The following VWF variants were observed in gnomAD, a reference collection of about 807,000 sequenced individuals.
The protein encoded by VWF is von Willebrand factor, also known as Factor VIII related antigen.
A neutral mutation model predicts 308.6 loss-of-function variants in VWF; 176 were observed. The observed-to-expected ratio is 0.57, with a 90% CI of 0.50 to 0.65. VWF has a LOEUF of 0.65. Among genes scored for constraint, VWF ranks in the 30% least tolerant of loss-of-function variants. The pLI, the probability that VWF is intolerant of heterozygous loss-of-function variation, is 0.00. For missense variants in VWF, 3,146 were observed against 3,648.2 expected (o/e 0.86, Z 3.55); for synonymous variants, 1,385 against 1,443.4 (o/e 0.96, Z 0.92).
At chr12:6,115,006 C>T (rs1209087067) in intron 3 of VWF, among the ~76,000 whole-genome samples, 1 of 152,206 alleles carries the variant, frequency 6.6e-6, no homozygotes, top group Non-Finnish European at 1.5e-5. Flanking sequence ...AGTCAGTCCA[C>T]AGCCGGAGCA....
chr12:6,087,354 C>A (rs147383221), intron 6 of VWF, among the ~76,000 whole-genome samples: 1,770 of 118,802 alleles, frequency 0.015, 50 homozygotes, highest in African/African-American at 0.054. Context: ...AGACTTAACT[C>A]TTTTTTTTTT....
At chr12:6,072,588 C>A in intron 8 of VWF, 146 bp from the exon 9 acceptor site, 1 of 718,520 alleles carries the variant, frequency 1.4e-6, no homozygotes, top group Non-Finnish European at 2.5e-6. Flanking sequence ...TCACATAATG[C>A]AATATAAGGA....
At chr12:6,123,862 G>T (rs915514621) in intron 1 of VWF, among the ~76,000 whole-genome samples, 1 of 152,110 alleles carries the variant, frequency 6.6e-6, no homozygotes, top group Non-Finnish European at 1.5e-5. Flanking sequence ...CCAAGAGAGG[G>T]ACAATTCATC....
chr12:6,101,114 A>G (rs887376504), intron 5 of VWF, among the ~76,000 whole-genome samples: 21 of 152,254 alleles, frequency 1.4e-4, no homozygotes, highest in African/African-American at 3.6e-4. Context: ...TGAAATGAAC[A>G]GAAACCTCTA....
chr12:6,094,412 G>A (rs575077967), intron 6 of VWF, among the ~76,000 whole-genome samples: 20 of 152,194 alleles, frequency 1.3e-4, no homozygotes, highest in Non-Finnish European at 8.8e-5. Context: ...GTTTACAACA[G>A]CCACTTAAGA....
chr12:6,117,590 C>T (rs910664726), intron 3 of VWF, among the ~76,000 whole-genome samples: 43 of 152,288 alleles, frequency 2.8e-4, no homozygotes, highest in African/African-American at 8.4e-4. Context: ...CCGAGGCGGG[C>T]GGATCACCTG....
At chr12:6,027,023 A>AAT (rs35842350) in intron 22 of VWF, among the ~76,000 whole-genome samples, 42,809 of 151,978 alleles carry the variant, frequency 0.28, 6,769 homozygotes, top group African/African-American at 0.42. Context: ...AAAGAGAAAA[A>AAT]ATGTATTCTA....
rs1275588925 is a variant in VWF, at chr12:6,110,859, G to A, written c.323+7C>T. 6.2e-7 allele frequency: 1 copy of A among 1,613,570 alleles called. No individual in the cohort carries two copies. Among genetic ancestry groups the A allele is most frequent in the South Asian group, 1.1e-5 (1 of 91,062 alleles). On this transcript the variant is annotated splice_region_variant and intron_variant, in intron 4 of 51. Coordinates refer to ENST00000261405, the MANE Select transcript of VWF (RefSeq NM_000552.5). Reference sequence around the variant, plus strand: ...GGTCCTTTCTAACTCAGACATTGTTGGCTTACCTTTGGTCCCCCTGTGTCA... The same window carrying A: ...GGTCCTTTCTAACTCAGACATTGTTAGCTTACCTTTGGTCCCCCTGTGTCA...
intron 38 of VWF, among the ~76,000 whole-genome samples, chr12:5,987,081 C>A (rs1335606458): frequency 6.6e-6 from 1 of 152,144 alleles, no homozygotes; most frequent in East Asian, 1.9e-4. Flanking sequence ...GCATGTGCCA[C>A]CATACCCAGC....
At chr12:5,951,114 G>GT (rs1395148115) in intron 50 of VWF, among the ~76,000 whole-genome samples, 1 of 152,200 alleles carries the variant, frequency 6.6e-6, no homozygotes, top group Non-Finnish European at 1.5e-5. Context: ...GTCCAGGCAA[G>GT]TAATTCTATA....
intron 34 of VWF, 28 bp from the exon 35 acceptor site, chr12:5,996,250 G>T (rs770395799): frequency 6.3e-6 from 10 of 1,587,912 alleles, no homozygotes; most frequent in African/African-American, 1.3e-5. Context: ...GAGGATGGAT[G>T]CGACGTTATC....
chr12:6,065,068 C>T (rs563742020), intron 11 of VWF, 69 bp downstream of exon 11: 13 of 1,609,452 alleles, frequency 8.1e-6, no homozygotes, highest in Non-Finnish European at 9.3e-6. Context: ...AGGGACTGCC[C>T]ATTCAGCCTA....
intron 5 of VWF, among the ~76,000 whole-genome samples, chr12:6,104,533 C>T (rs940746264): frequency 2.0e-5 from 3 of 151,146 alleles, no homozygotes; most frequent in African/African-American, 7.3e-5. Context: ...TAAAAAAATA[C>T]AAAAGAAAAA....
intron 10 of VWF, among the ~76,000 whole-genome samples, chr12:6,066,852 G>A (rs540162555): frequency 1.3e-5 from 2 of 152,350 alleles, no homozygotes; most frequent in East Asian, 3.9e-4. Flanking sequence ...AGGCTAGACT[G>A]TGCAGTACTG....
rs1943803706 is a variant in VWF, at chr12:5,995,987, G to T, written c.6063+15C>A. ...TCTATTGCCTTACCACGGATCCACA[G>T]AAAGTACTTCTCACCTCCATGTCAC... is the stretch of plus-strand genomic sequence containing the variant. On this transcript the variant is annotated intron_variant, in intron 35 of 51. Coordinates refer to ENST00000261405, the MANE Select transcript of VWF (RefSeq NM_000552.5). 1.9e-6 allele frequency: 3 copies of T among 1,610,970 alleles called. No individual in the cohort carries two copies. In the Admixed American group the frequency reaches 5.0e-5, roughly 27 times the overall value.
chr12:5,954,738 C>T (rs77343610), intron 47 of VWF, among the ~76,000 whole-genome samples: 58 of 152,316 alleles, frequency 3.8e-4, no homozygotes, highest in Non-Finnish European at 7.6e-4. Flanking sequence ...AGAGACAAAA[C>T]GACAGCTGGA....
chr12:6,007,676 C>T (rs1466784030), intron 34 of VWF, among the ~76,000 whole-genome samples: 1 of 151,564 alleles, frequency 6.6e-6, no homozygotes, highest in Non-Finnish European at 1.5e-5. Flanking sequence ...TAAACTAAGC[C>T]GTAAGTTAGC....
At chr12:6,044,924 C>A (rs1240901596) in intron 17 of VWF, among the ~76,000 whole-genome samples, 1 of 152,268 alleles carries the variant, frequency 6.6e-6, no homozygotes. Flanking sequence ...TCAGCCCCTG[C>A]CCAGCCACTC....
In VWF at chr12:6,044,375, G is replaced by T; in HGVS notation, c.2358C>A (p.Leu786=). 6.2e-7 allele frequency: 1 copy of T among 1,614,182 alleles called. No individual in the cohort carries two copies. ...CPADNLRAEG[L]ECTKTCQNYD... is the part of the protein sequence containing the mutation. ...AGTTCTGGCACGTTTTGGTACACTC[G>T]AGCCCTTCAGCCCGCAGGTTGTCAG... The change falls in exon 18 of 52, where the codon CTC becomes CTA. Residue 786 remains leucine (L), a synonymous_variant. Transcript: ENST00000261405.
Sources: gnomAD v4.1 joint callset for allele counts (sites outside exome capture counted in the v4.1 genomes callset) on GRCh38, gnomAD v4.1.1 for gene constraint, MANE v1.5 for transcripts, NCBI Gene and HGNC (gene_info 2026-07-23, HGNC 2026-07-21) for gene names.